Variants in KCNMA1 observed in about 807,000 individuals in gnomAD.
KCNMA1 encodes the protein potassium calcium-activated channel subfamily M alpha 1.
Under a neutral mutation model 140.0 loss-of-function variants are expected in KCNMA1, and 29 were observed. The observed-to-expected ratio is 0.21, with a 90% CI of 0.15 to 0.28. The LOEUF (loss-of-function observed/expected upper bound fraction) is 0.28, where lower values mean the gene tolerates loss of function less well. Ranked by LOEUF, KCNMA1 falls within the 10% of genes least tolerant of loss-of-function variation. The pLI is 1.00. For missense variants in KCNMA1, 880 were observed against 1,602.2 expected, an observed-to-expected ratio of 0.55 and a Z score of 7.70; for synonymous variants, 612 against 611.9, an observed-to-expected ratio of 1.00 and a Z score of 0.00.
chr10:77,532,156 T>A (rs1379118596), intron 1 of KCNMA1, among the ~76,000 whole-genome samples: 1 of 152,112 alleles, frequency 6.6e-6, no homozygotes, highest in East Asian at 1.9e-4. Context: ...GGGGGGAAAA[T>A]GCACTGAACT....
chr10:76,950,649 C>T (rs1591705234), intron 21 of KCNMA1, among the ~76,000 whole-genome samples: 1 of 152,336 alleles, frequency 6.6e-6, no homozygotes, highest in East Asian at 1.9e-4. Flanking sequence ...ACATATCAAA[C>T]TCTGCTTGAT....
At chr10:77,452,742 C>T (rs1403729254) in intron 1 of KCNMA1, among the ~76,000 whole-genome samples, 1 of 152,182 alleles carries the variant, frequency 6.6e-6, no homozygotes, top group Non-Finnish European at 1.5e-5. Flanking sequence ...CAGTACTTAG[C>T]CTCCATCTGC....
At chr10:76,983,037 C>A (rs1043324788) in intron 19 of KCNMA1, among the ~76,000 whole-genome samples, 5 of 152,210 alleles carry the variant, frequency 3.3e-5, no homozygotes, top group Non-Finnish European at 7.4e-5. Flanking sequence ...ATGGCTATTT[C>A]TTGTCTTCAA....
chr10:77,098,346 C>T (rs2096991604), intron 9 of KCNMA1, among the ~76,000 whole-genome samples: 1 of 152,086 alleles, frequency 6.6e-6, no homozygotes, highest in Non-Finnish European at 1.5e-5. Flanking sequence ...GTCTTGGGAC[C>T]TTTAGTGAAG....
intron 18 of KCNMA1, among the ~76,000 whole-genome samples, chr10:77,007,671 A>ATATATATATATATATATATATATG (rs1565504676): frequency 9.9e-5 from 14 of 141,368 alleles, no homozygotes; most frequent in African/African-American, 3.4e-4. Flanking sequence ...ATATATATAT[A>ATATATATATATATATATATATATG]TATATGTATC....
At chr10:76,967,527 G>A (rs1469805960) in intron 20 of KCNMA1, among the ~76,000 whole-genome samples, 1 of 152,182 alleles carries the variant, frequency 6.6e-6, no homozygotes, top group African/African-American at 2.4e-5. Context: ...CTGTAAACTG[G>A]AAGTCAAGGG....
At chr10:77,637,054 A>G (rs968353589) in intron 1 of KCNMA1, 7 of 1,388,080 alleles carry the variant, frequency 5.0e-6, no homozygotes. Context: ...CCCGGAGCGC[A>G]CTGGCTGGGG....
At chr10:77,233,879 T>C (rs1394694596) in intron 3 of KCNMA1, among the ~76,000 whole-genome samples, 1 of 152,148 alleles carries the variant, frequency 6.6e-6, no homozygotes, top group Non-Finnish European at 1.5e-5. Flanking sequence ...TAGCCCCACT[T>C]TGTTCAGTCC....
intron 22 of KCNMA1, among the ~76,000 whole-genome samples, chr10:76,945,441 G>T (rs1565096747): frequency 6.6e-6 from 1 of 152,166 alleles, no homozygotes; most frequent in South Asian, 2.1e-4. Flanking sequence ...CAGCCAAGGA[G>T]AAATGGCCAG....
At chr10:77,003,038 C>G (rs2087023724) in intron 18 of KCNMA1, among the ~76,000 whole-genome samples, 1 of 152,154 alleles carries the variant, frequency 6.6e-6, no homozygotes, top group African/African-American at 2.4e-5. Flanking sequence ...GGGTTTAAAT[C>G]TCTCAAATGG....
chr10:77,456,533 C>T (rs118139212), intron 1 of KCNMA1, among the ~76,000 whole-genome samples: 142 of 152,314 alleles, frequency 9.3e-4, no homozygotes, highest in Non-Finnish European at 1.7e-3. Context: ...CTATCTTGAT[C>T]AGTGCCATAT....
intron 2 of KCNMA1, among the ~76,000 whole-genome samples, chr10:77,342,674 T>C (rs1366657461): frequency 6.6e-6 from 1 of 152,226 alleles, no homozygotes; most frequent in East Asian, 1.9e-4. Context: ...TCAGAAGCCA[T>C]GCCTGCTTGC....
At chr10:77,253,719 G>A (rs1225400486) in intron 2 of KCNMA1, among the ~76,000 whole-genome samples, 3 of 152,182 alleles carry the variant, frequency 2.0e-5, no homozygotes, top group Non-Finnish European at 2.9e-5. Context: ...TTGGGTCCAC[G>A]TATTCAGCTG....
Position 76,913,817 on chromosome 10 carries a change from G to T in KCNMA1, c.3016+1119C>A, listed in dbSNP as rs113649310. 8.5e-5 allele frequency: 39 copies of T among 461,358 alleles called. No homozygotes were observed. The South Asian group carries it at 1.5e-3, about 18-fold the overall frequency. 28.6% of individuals were successfully genotyped at this position (461,358 alleles called of 1,614,324 possible). On this transcript the variant is annotated intron_variant, in intron 24 of 27. Coordinates refer to ENST00000286628, the MANE Select transcript of KCNMA1 (RefSeq NM_001161352.2). ...GAGCAAATATGCTTTGGAAACAACT[G>T]CCAGGTCAGATGGGTGTGATCAAAG... is the stretch of plus-strand genomic sequence containing the variant.
intron 14 of KCNMA1, among the ~76,000 whole-genome samples, chr10:77,045,680 G>A (rs567932810): frequency 1.3e-5 from 2 of 152,272 alleles, no homozygotes; most frequent in Non-Finnish European, 2.9e-5. Context: ...CACTAATGGT[G>A]GGTTGGTAAT....
At chr10:77,344,585 A>AT (rs61265392) in intron 2 of KCNMA1, among the ~76,000 whole-genome samples, 3,923 of 144,964 alleles carry the variant, frequency 0.027, 131 homozygotes, top group African/African-American at 0.084. Context: ...TGCTTTCTCT[A>AT]TTTTTTTTTT....
At chr10:77,086,293 TATGC>T (rs1449467668) in intron 11 of KCNMA1, among the ~76,000 whole-genome samples, 191 bp downstream of exon 11, 1 of 152,144 alleles carries the variant, frequency 6.6e-6, no homozygotes, top group Non-Finnish European at 1.5e-5. Flanking sequence ...TAGTGTTGCA[TATGC>T]CAGCAGAAGG....
At chr10:77,554,424 C>T (rs1234927147) in intron 1 of KCNMA1, among the ~76,000 whole-genome samples, 1 of 151,146 alleles carries the variant, frequency 6.6e-6, no homozygotes, top group Non-Finnish European at 1.5e-5. Context: ...ATGGTAAAAC[C>T]TCCTCTCTAC....
chr10:77,001,905 A>G (rs994870836), intron 18 of KCNMA1, among the ~76,000 whole-genome samples: 20 of 152,226 alleles, frequency 1.3e-4, no homozygotes, highest in African/African-American at 4.6e-4. Flanking sequence ...CAAATTATCG[A>G]CAGCAAAAAA....
Sources: gnomAD v4.1 joint callset for allele counts (sites outside exome capture counted in the v4.1 genomes callset) on GRCh38, gnomAD v4.1.1 for gene constraint, MANE v1.5 for transcripts, NCBI Gene and HGNC (gene_info 2026-07-23, HGNC 2026-07-21) for gene names.